Variants in MTMR12 observed in about 807,000 individuals in gnomAD.
MTMR12 encodes the protein myotubularin related protein 12, also known as myotubularin-related protein 12.
A neutral mutation model predicts 96.7 loss-of-function variants in MTMR12; 33 were observed. The observed-to-expected ratio is 0.34, with a 90% CI of 0.26 to 0.46. MTMR12 has a LOEUF of 0.46. Among genes scored for constraint, MTMR12 ranks in the 20% least tolerant of loss-of-function variants. MTMR12 has a pLI of 1.00. For synonymous variants in MTMR12, 298 were observed against 327.2 expected (o/e 0.91, Z 0.96); for missense variants, 721 against 896.1 (o/e 0.80, Z 2.49).
chr5:32,291,648 C>T (rs1055328889), intron 1 of MTMR12, among the ~76,000 whole-genome samples: 11 of 152,202 alleles, frequency 7.2e-5, no homozygotes, highest in Non-Finnish European at 1.5e-4. Context: ...CCTCTGTCAT[C>T]ACACAATGGG....
At chr5:32,294,307 C>T (rs965746304) in intron 1 of MTMR12, among the ~76,000 whole-genome samples, 1 of 151,832 alleles carries the variant, frequency 6.6e-6, no homozygotes, top group Non-Finnish European at 1.5e-5. Context: ...TTCCTTTTTT[C>T]CTTTTTTTTT....
chr5:32,233,134 C>T lies in MTMR12; in HGVS notation c.1674+639G>A, dbSNP rs925784407. 27 of 466,882 alleles carry T rather than the reference C, an allele frequency of 5.8e-5. No homozygotes were observed. Among genetic ancestry groups the T allele is most frequent in the Non-Finnish European group, 6.7e-5 (24 of 356,410 alleles). The allele number at this position is 466,882 out of a possible 1,614,324, so 28.9% of individuals were successfully genotyped here. On this transcript the variant is annotated intron_variant, in intron 15 of 15. Coordinates refer to ENST00000382142, the MANE Select transcript of MTMR12 (RefSeq NM_001040446.3). The surrounding 1 kb of genome is among the most constrained non-coding windows in gnomAD (Gnocchi z 5.0). ...TAGGTCAGCAAACTGGCCACCCCTC[C>T]GGCCAAATCTGGCCTGGCGCCTGTT...
chr5:32,265,791 C>T (rs908354939), intron 6 of MTMR12, among the ~76,000 whole-genome samples: 6 of 152,186 alleles, frequency 3.9e-5, no homozygotes, highest in African/African-American at 1.4e-4. Flanking sequence ...ATGACTGCAC[C>T]TTATGTGCCA....
chr5:32,273,875 T>A, intron 3 of MTMR12, 105 bp downstream of exon 3: 1 of 1,482,822 alleles, frequency 6.7e-7, no homozygotes, highest in Non-Finnish European at 9.2e-7. Context: ...CCTTTGTGTT[T>A]ATGTGTGTTA....
chr5:32,271,299 G>C (rs921119903), intron 4 of MTMR12, among the ~76,000 whole-genome samples: 1 of 152,184 alleles, frequency 6.6e-6, no homozygotes, highest in Non-Finnish European at 1.5e-5. Context: ...GTCAACTCCT[G>C]GGTTTACAGC....
chr5:32,281,412 TA>T (rs1040569696), intron 1 of MTMR12, among the ~76,000 whole-genome samples: 8 of 152,306 alleles, frequency 5.3e-5, no homozygotes, highest in African/African-American at 1.9e-4. Flanking sequence ...AAGTTGGCCC[TA>T]AATCTGTAAG....
intron 12 of MTMR12, among the ~76,000 whole-genome samples, chr5:32,239,805 TCTC>T (rs1303461983): frequency 6.6e-6 from 1 of 152,220 alleles, no homozygotes; most frequent in Non-Finnish European, 1.5e-5. Context: ...GGTGCCTGCT[TCTC>T]CTGCCTATCC....
chr5:32,228,591 G>GATATATATATATCATATATATGTGAA lies in MTMR12; in HGVS notation c.*1186_*1187insTTCACATATATATGATATATATATAT. On this transcript the variant is annotated 3_prime_UTR_variant, in exon 16 of 16. Transcript: ENST00000382142. Reference sequence around the variant, plus strand: ...TATCATATATATATCATATATATGTGATATATATATATATATCATATATAT... The same window carrying GATATATATATATCATATATATGTGAA: ...TATCATATATATATCATATATATGTGATATATATATATCATATATATGTGAAATATATATATATATATCATATATAT... The GATATATATATATCATATATATGTGAA allele has an allele frequency of 9.6e-6, 1 of 103,666 alleles. No individual in the cohort carries two copies. Among genetic ancestry groups the GATATATATATATCATATATATGTGAA allele is most frequent in the African/African-American group, 3.9e-5 (1 of 25,470 alleles). The allele number at this position is 103,666 out of a possible 1,614,324, so 6.4% of individuals were successfully genotyped here. A position where few individuals can be genotyped will look rare whatever the true frequency, so the allele number is the denominator to read the frequency against.
At chr5:32,305,242 C>T (rs1462410088) in intron 1 of MTMR12, among the ~76,000 whole-genome samples, 1 of 152,044 alleles carries the variant, frequency 6.6e-6, no homozygotes, top group Non-Finnish European at 1.5e-5. Flanking sequence ...GCGTTCGCTA[C>T]CACGCCCGGC....
At chr5:32,255,564 G>A (rs1450807584) in intron 8 of MTMR12, 129 bp downstream of exon 8, 7 of 833,638 alleles carry the variant, frequency 8.4e-6, no homozygotes, top group African/African-American at 1.7e-5. Flanking sequence ...GAGTCCCTAA[G>A]ATATTTCTGG....
At chr5:32,237,549 C>T (rs561854567) in intron 13 of MTMR12, among the ~76,000 whole-genome samples, 1 of 151,942 alleles carries the variant, frequency 6.6e-6, no homozygotes, top group African/African-American at 2.4e-5. Context: ...CTCATTCTGT[C>T]ACCCAGGCTG....
intron 6 of MTMR12, among the ~76,000 whole-genome samples, chr5:32,265,778 T>C (rs1222111244): frequency 6.6e-6 from 1 of 152,230 alleles, no homozygotes; most frequent in Admixed American, 6.5e-5. Context: ...TAATTCCCAA[T>C]TAATGACTGC....
intron 13 of MTMR12, among the ~76,000 whole-genome samples, chr5:32,237,506 T>G (rs946066528): frequency 6.9e-6 from 1 of 144,978 alleles, no homozygotes; most frequent in Non-Finnish European, 1.5e-5. Flanking sequence ...AACATAACCC[T>G]GTGCTTTCTT....
At chr5:32,301,382 C>T (rs921778196) in intron 1 of MTMR12, among the ~76,000 whole-genome samples, 1 of 152,156 alleles carries the variant, frequency 6.6e-6, no homozygotes, top group Non-Finnish European at 1.5e-5. Context: ...ACTGACTGAC[C>T]CCCTAGGGAA....
intron 1 of MTMR12, among the ~76,000 whole-genome samples, chr5:32,306,297 G>A (rs1459067388): frequency 6.6e-6 from 1 of 152,118 alleles, no homozygotes; most frequent in Non-Finnish European, 1.5e-5. Context: ...AAAAAGATGG[G>A]TAATAATAGT....
intron 10 of MTMR12, among the ~76,000 whole-genome samples, chr5:32,245,620 G>A (rs1176116412): frequency 1.3e-5 from 2 of 152,082 alleles, no homozygotes; most frequent in African/African-American, 4.8e-5. Flanking sequence ...TTGAGGTAAG[G>A]AGTTCAAGAC....
chr5:32,227,332 T>C lies in MTMR12; in HGVS notation c.*2446A>G, dbSNP rs1747773473. On this transcript the variant is annotated 3_prime_UTR_variant, in exon 16 of 16. Coordinates refer to ENST00000382142, the MANE Select transcript of MTMR12 (RefSeq NM_001040446.3). The stretch of plus-strand genomic sequence containing the variant: ...GCATAATCCACATCCCAATCTCAGA[T>C]AAAAATTTCACAATATATAAATCCA... The C allele has an allele frequency of 6.6e-6, 1 of 152,644 alleles. No individual in the cohort carries two copies. The highest frequency in any genetic ancestry group is 1.5e-5 in the Non-Finnish European group (1 of 68,044). The allele number at this position is 152,644 out of a possible 1,614,324, so 9.5% of individuals were successfully genotyped here.
At chr5:32,249,721 G>T (rs1748841413) in intron 8 of MTMR12, among the ~76,000 whole-genome samples, 1 of 152,228 alleles carries the variant, frequency 6.6e-6, no homozygotes, top group South Asian at 2.1e-4. Context: ...ATAGGTTAAG[G>T]TGTTCAGGCT....
chr5:32,307,051 T>C (rs546903492), intron 1 of MTMR12, among the ~76,000 whole-genome samples: 19 of 152,188 alleles, frequency 1.2e-4, no homozygotes, highest in Non-Finnish European at 1.5e-4. Flanking sequence ...ATATACATTT[T>C]TGGTGAAAAA....
Sources: gnomAD v4.1 joint callset for allele counts (sites outside exome capture counted in the v4.1 genomes callset) on GRCh38, gnomAD v4.1.1 for gene constraint, Gnocchi (gnomAD v3.1) non-coding constraint, MANE v1.5 for transcripts, NCBI Gene and HGNC (gene_info 2026-07-23, HGNC 2026-07-21) for gene names.